PPHLN1: variants seen among roughly 807,000 people sequenced by gnomAD.
PPHLN1 encodes the protein periphilin-1.
PPHLN1 carries 29 observed loss-of-function variants against 51.3 expected under a neutral mutation model. That is an observed-to-expected ratio of 0.57 (90% CI 0.42 to 0.77). PPHLN1 has a LOEUF of 0.77. PPHLN1 is among the 30% of genes least tolerant of loss of function. The pLI is 0.00. For missense variants in PPHLN1, 436 were observed against 438.4 expected, an observed-to-expected ratio of 0.99 and a Z score of 0.05; for synonymous variants, 147 against 147.8, an observed-to-expected ratio of 0.99 and a Z score of 0.04.
At position 42,360,458 on chromosome 12, in the gene PPHLN1, C is replaced by CTTTTTTTTTTTTTTT. The variant is rs71084642; in HGVS notation, c.299+5251_299+5265dup. ...ACAGTTCCTGAAGTGATGCTGAATT[C>CTTTTTTTTTTTTTTT]TTTTTTTTTTTTTTTTTTTTTTTTT... is the stretch of plus-strand genomic sequence containing the variant. On this transcript the variant is annotated intron_variant, in intron 4 of 9. Coordinates refer to ENST00000358314, the MANE Select transcript of PPHLN1 (RefSeq NM_201439.2). Among the ~76,000 whole-genome samples, 27 of 56,292 alleles carry CTTTTTTTTTTTTTTT rather than the reference C, an allele frequency of 4.8e-4. 2 individuals carry two copies. Among genetic ancestry groups the CTTTTTTTTTTTTTTT allele is most frequent in the East Asian group, 2.0e-3 (3 of 1,504 alleles). 36.9% of individuals were successfully genotyped at this position (56,292 alleles called of 152,430 possible).
At chr12:42,336,827 A>G (rs1320658420) in intron 2 of PPHLN1, among the ~76,000 whole-genome samples, 2 of 152,208 alleles carry the variant, frequency 1.3e-5, no homozygotes, top group Non-Finnish European at 2.9e-5. Flanking sequence ...ATATGAATAT[A>G]TTATAGATTC....
At chr12:42,326,977 T>C (rs1016533052) in intron 1 of PPHLN1, among the ~76,000 whole-genome samples, 7 of 152,126 alleles carry the variant, frequency 4.6e-5, no homozygotes, top group African/African-American at 1.7e-4. Flanking sequence ...GGAAGTACAA[T>C]CCATCCAGGG....
At chr12:42,445,942 A>G (rs763806688), downstream of PPHLN1, 11 of 1,457,488 alleles carry the variant, frequency 7.5e-6, no homozygotes, top group South Asian at 1.5e-4. Flanking sequence ...AACATGGGGA[A>G]GAGGATATGC....
chr12:42,343,863 G>A (rs59844371), intron 2 of PPHLN1: 71,977 of 440,340 alleles, frequency 0.16, 6,179 homozygotes, highest in Admixed American at 0.22. Context: ...ACCAAAAGAC[G>A]TTGGAATGAC....
At chr12:42,400,775 TTC>T (rs149564937) in intron 9 of PPHLN1, among the ~76,000 whole-genome samples, 63 of 125,458 alleles carry the variant, frequency 5.0e-4, no homozygotes, top group African/African-American at 1.1e-3. Flanking sequence ...CTCTCTCTCT[TTC>T]TCTCTCTCTC....
rs911881172 is a variant in PPHLN1, at chr12:42,410,527, T to C, written c.909+11533T>C. On this transcript the variant is annotated intron_variant, in intron 9 of 9. Transcript: ENST00000358314. ...TCATCTTTGCATCATTTGGAATTCC[T>C]TGCATATCGTAGACTTGCTGTAAAT... Among the ~76,000 whole-genome samples the C allele has an allele frequency of 5.3e-5, 8 of 152,152 alleles. 1 individual carries two copies. The highest frequency in any genetic ancestry group is 5.2e-4 in the Admixed American group (8 of 15,280).
At chr12:42,413,696 G>A (rs979345109) in intron 9 of PPHLN1, among the ~76,000 whole-genome samples, 3 of 151,820 alleles carry the variant, frequency 2.0e-5, no homozygotes, top group Middle Eastern at 3.4e-3. Flanking sequence ...GGAGTAGCTC[G>A]GATTACAGGC....
intron 4 of PPHLN1, among the ~76,000 whole-genome samples, chr12:42,356,432 A>G (rs1438047118): frequency 6.6e-6 from 1 of 152,210 alleles, no homozygotes; most frequent in Non-Finnish European, 1.5e-5. Flanking sequence ...GAAAGCAGAA[A>G]GCAAGCTAGT....
intron 9 of PPHLN1, among the ~76,000 whole-genome samples, chr12:42,419,385 G>A (rs1313436925): frequency 1.1e-5 from 1 of 92,232 alleles, no homozygotes; most frequent in African/African-American, 3.9e-5. Context: ...GGGATTACAG[G>A]CACCCACCAC....
At chr12:42,418,698 C>T (rs867511957) in intron 9 of PPHLN1, among the ~76,000 whole-genome samples, 1 of 152,136 alleles carries the variant, frequency 6.6e-6, no homozygotes, top group African/African-American at 2.4e-5. Context: ...TCTTTATCTC[C>T]CTGACCAATC....
intron 9 of PPHLN1, among the ~76,000 whole-genome samples, chr12:42,401,729 A>G (rs916010826): frequency 2.6e-5 from 4 of 152,184 alleles, no homozygotes; most frequent in Admixed American, 2.0e-4. Flanking sequence ...GCTGCCTATA[A>G]GTATGCTATC....
chr12:42,394,469 A>G (rs2078016910), intron 8 of PPHLN1, among the ~76,000 whole-genome samples: 1 of 152,140 alleles, frequency 6.6e-6, no homozygotes, highest in East Asian at 1.9e-4. Context: ...TCTTTGATAA[A>G]AGGGATCAAG....
intron 8 of PPHLN1, among the ~76,000 whole-genome samples, chr12:42,397,725 T>TAA (rs796220542): frequency 6.7e-6 from 1 of 149,704 alleles, no homozygotes; most frequent in African/African-American, 2.4e-5. Context: ...CAAACTTCTT[T>TAA]AAAAAAAAAA....
chr12:42,448,429 T>C (rs900377930), downstream of PPHLN1: 1 of 152,086 alleles, frequency 6.6e-6, no homozygotes, highest in Admixed American at 6.6e-5. Flanking sequence ...TACCAGAGTG[T>C]GTATTTTACA....
At chr12:42,367,374 C>T (rs1421961364) in intron 4 of PPHLN1, among the ~76,000 whole-genome samples, 1 of 151,480 alleles carries the variant, frequency 6.6e-6, no homozygotes, top group Non-Finnish European at 1.5e-5. Flanking sequence ...TATAAAAACA[C>T]AATTTATGAT....
intron 5 of PPHLN1, among the ~76,000 whole-genome samples, chr12:42,384,698 T>C (rs989415453): frequency 6.6e-6 from 1 of 152,248 alleles, no homozygotes; most frequent in African/African-American, 2.4e-5. Flanking sequence ...TGACTGGTCT[T>C]ATCCTGACAG....
intron 9 of PPHLN1, among the ~76,000 whole-genome samples, chr12:42,428,325 C>G (rs1339683443): frequency 6.6e-6 from 1 of 152,188 alleles, no homozygotes; most frequent in Admixed American, 6.5e-5. Flanking sequence ...TTTATAGCAG[C>G]ACAACTTGCA....
At chr12:42,379,292 CT>C (rs2076568016) in intron 5 of PPHLN1, among the ~76,000 whole-genome samples, 1 of 151,900 alleles carries the variant, frequency 6.6e-6, no homozygotes, top group South Asian at 2.1e-4. Flanking sequence ...CAATCCAGTC[CT>C]TTTATGTAGC....
intron 7 of PPHLN1, among the ~76,000 whole-genome samples, chr12:42,389,400 A>C (rs5797792): frequency 0.026 from 1,263 of 49,364 alleles, 9 homozygotes; most frequent in African/African-American, 0.044. Context: ...AACAAACAAA[A>C]AAAAAAACAA....
Sources: allele counts gnomAD v4.1 joint callset (sites outside exome capture counted in the v4.1 genomes callset), GRCh38; gene constraint gnomAD v4.1.1; transcripts MANE v1.5; gene names NCBI Gene and HGNC (gene_info 2026-07-23, HGNC 2026-07-21).